Variants in CCSER1 observed in about 807,000 individuals in gnomAD.
The protein encoded by CCSER1 is coiled-coil serine rich protein 1, also known as serine-rich coiled-coil domain-containing protein 1.
Under a neutral mutation model 82.0 loss-of-function variants are expected in CCSER1, and 41 were observed. The ratio of observed to expected loss-of-function variants is 0.50; its 90% CI spans 0.39 to 0.65. The LOEUF is 0.65. Among genes scored for constraint, CCSER1 ranks in the 30% least tolerant of loss-of-function variants. The pLI is 0.00. For synonymous variants in CCSER1, 414 were observed against 383.9 expected, an observed-to-expected ratio of 1.08 and a Z score of -0.92; for missense variants, 1,119 against 1,064.2, an observed-to-expected ratio of 1.05 and a Z score of -0.72.
At chr4:90,305,369 C>A (rs574868079) in intron 1 of CCSER1, among the ~76,000 whole-genome samples, 9 of 152,096 alleles carry the variant, frequency 5.9e-5, no homozygotes, top group Non-Finnish European at 1.2e-4. Flanking sequence ...AGCTGCAAAT[C>A]ATTATGGTTG....
chr4:91,207,245 A>C (rs1421613848), intron 10 of CCSER1, among the ~76,000 whole-genome samples: 2 of 151,862 alleles, frequency 1.3e-5, no homozygotes, highest in Admixed American at 1.3e-4. Context: ...TCAGGTGTAC[A>C]TGTGCAGGTT....
At chr4:90,191,388 A>C (rs1033506149) in intron 1 of CCSER1, among the ~76,000 whole-genome samples, 2 of 151,992 alleles carry the variant, frequency 1.3e-5, no homozygotes, top group African/African-American at 4.8e-5. Context: ...TTTGCCCCCC[A>C]GTTCCTAGTG....
intron 3 of CCSER1, among the ~76,000 whole-genome samples, chr4:90,390,674 A>G (rs1000948586): frequency 1.3e-5 from 2 of 152,188 alleles, no homozygotes; most frequent in Non-Finnish European, 2.9e-5. Flanking sequence ...TTCTTTATCC[A>G]GTCCACCATT....
At chr4:91,081,458 A>G (rs540082126) in intron 9 of CCSER1, among the ~76,000 whole-genome samples, 1 of 152,328 alleles carries the variant, frequency 6.6e-6, no homozygotes, top group East Asian at 1.9e-4. Context: ...CCAATATCAT[A>G]CTGAATGGGC....
chr4:90,199,723 A>G (rs1486526318), intron 1 of CCSER1, among the ~76,000 whole-genome samples: 1 of 152,180 alleles, frequency 6.6e-6, no homozygotes, highest in African/African-American at 2.4e-5. Flanking sequence ...CCTGGCACTT[A>G]TAAAATTAGT....
chr4:91,230,238 TACA>T (rs1241708837), intron 10 of CCSER1, among the ~76,000 whole-genome samples: 3 of 152,090 alleles, frequency 2.0e-5, no homozygotes, highest in Non-Finnish European at 4.4e-5. Context: ...GAGTAAGGAT[TACA>T]ACAATTATGT....
chr4:91,540,552 A>G (rs1761534829), intron 10 of CCSER1, among the ~76,000 whole-genome samples: 1 of 152,084 alleles, frequency 6.6e-6, no homozygotes, highest in African/African-American at 2.4e-5. Flanking sequence ...AAAGTTTTTA[A>G]TTTTAATGAA....
intron 10 of CCSER1, among the ~76,000 whole-genome samples, chr4:91,355,204 T>C (rs1271808024): frequency 6.6e-6 from 1 of 151,044 alleles, no homozygotes; most frequent in East Asian, 1.9e-4. Context: ...AGATATACTT[T>C]TTTTTTTTAA....
At chr4:91,011,727 C>A (rs1038071128) in intron 9 of CCSER1, among the ~76,000 whole-genome samples, 1 of 134,284 alleles carries the variant, frequency 7.4e-6, no homozygotes, top group South Asian at 2.4e-4. Flanking sequence ...CAATAGGGCT[C>A]AGTGGCAACT....
At chr4:91,313,269 T>C (rs1401159706) in intron 10 of CCSER1, among the ~76,000 whole-genome samples, 2 of 151,944 alleles carry the variant, frequency 1.3e-5, no homozygotes, top group African/African-American at 2.4e-5. Context: ...TTTTTGGTCT[T>C]ATTACTAGCT....
chr4:91,159,621 A>G (rs1731169573), intron 10 of CCSER1, among the ~76,000 whole-genome samples: 1 of 151,878 alleles, frequency 6.6e-6, no homozygotes, highest in East Asian at 1.9e-4. Flanking sequence ...CTAATTGGGA[A>G]TAAATATTTT....
chr4:91,411,997 G>A (rs529198568), intron 10 of CCSER1, among the ~76,000 whole-genome samples: 1 of 152,234 alleles, frequency 6.6e-6, no homozygotes, highest in Admixed American at 6.5e-5. Context: ...AGCAGGGTTA[G>A]GAGGTTCTCC....
chr4:90,674,763 G>A lies in CCSER1; in HGVS notation c.1932+46531G>A, dbSNP rs114257265. On this transcript the variant is annotated intron_variant, in intron 6 of 10. Transcript: ENST00000509176. ...TTCAGGCTTCTCTCCTTTTTTTATAGCATGTAAGAAAATGTGCACATTTTC... is the reference window on the plus strand; with the variant it reads ...TTCAGGCTTCTCTCCTTTTTTTATAACATGTAAGAAAATGTGCACATTTTC... 6.2e-3 allele frequency among the ~76,000 whole-genome samples: 933 copies of A among 151,576 alleles called. 8 individuals are homozygous for A. Among genetic ancestry groups the A allele is most frequent in the African/African-American group, 0.021 (869 of 41,360 alleles).
intron 10 of CCSER1, among the ~76,000 whole-genome samples, chr4:91,436,916 ATGAAAATG>A (rs1754690178): frequency 1.3e-5 from 2 of 152,244 alleles, no homozygotes; most frequent in Non-Finnish European, 2.9e-5. Context: ...ATAAAGTTGT[ATGAAAATG>A]TCCTTGGTGC....
chr4:91,507,110 G>T (rs1480701613), intron 10 of CCSER1, among the ~76,000 whole-genome samples: 1 of 152,004 alleles, frequency 6.6e-6, no homozygotes, highest in Non-Finnish European at 1.5e-5. Context: ...ACACATTTTT[G>T]TGTGGATATA....
intron 1 of CCSER1, among the ~76,000 whole-genome samples, chr4:90,133,979 G>A (rs1723234772): frequency 6.6e-6 from 1 of 152,116 alleles, no homozygotes; most frequent in East Asian, 1.9e-4. Flanking sequence ...AATAAGGGGA[G>A]TCTTAGAATT....
intron 10 of CCSER1, among the ~76,000 whole-genome samples, chr4:91,389,677 A>G (rs1255930730): frequency 1.3e-5 from 2 of 151,978 alleles, no homozygotes; most frequent in African/African-American, 4.8e-5. Flanking sequence ...AATAATTGAC[A>G]TCTTGACAAT....
intron 4 of CCSER1, among the ~76,000 whole-genome samples, chr4:90,440,006 TA>T (rs1302437809): frequency 1.3e-5 from 2 of 152,060 alleles, no homozygotes; most frequent in East Asian, 1.9e-4. Flanking sequence ...TTTGTTATTT[TA>T]TTTTTTTTTT....
chr4:91,352,088 A>C (rs1490088919), intron 10 of CCSER1, among the ~76,000 whole-genome samples: 2 of 152,238 alleles, frequency 1.3e-5, no homozygotes, highest in African/African-American at 2.4e-5. Context: ...GGCTGAAAAT[A>C]GAAAACTAAA....
Sources: gnomAD v4.1 joint callset for allele counts (sites outside exome capture counted in the v4.1 genomes callset) on GRCh38, gnomAD v4.1.1 for gene constraint, MANE v1.5 for transcripts, NCBI Gene and HGNC (gene_info 2026-07-23, HGNC 2026-07-21) for gene names.